MARCHF1: variants seen among roughly 807,000 people sequenced by gnomAD.
The protein encoded by MARCHF1 is membrane associated ring-CH-type finger 1.
Under a neutral mutation model 54.2 loss-of-function variants are expected in MARCHF1, and 40 were observed. The observed-to-expected ratio is 0.74, with a 90% confidence interval of 0.57 to 0.96. The LOEUF is 0.96. MARCHF1 is among the 40% of genes least tolerant of loss of function. The pLI, the probability that MARCHF1 is intolerant of heterozygous loss-of-function variation, is 0.00. For synonymous variants in MARCHF1, 236 were observed against 236.3 expected, an observed-to-expected ratio of 1.00 and a Z score of 0.01; for missense variants, 586 against 656.5, an observed-to-expected ratio of 0.89 and a Z score of 1.17.
intron 1 of MARCHF1, among the ~76,000 whole-genome samples, chr4:164,310,068 T>C (rs1253501840): frequency 6.6e-6 from 1 of 152,006 alleles, no homozygotes; most frequent in Non-Finnish European, 1.5e-5. Context: ...ATTCTTTTTA[T>C]TTTTTTAATT....
At chr4:164,081,207 CAAAAAAAAAAAAA>C (rs60753810) in intron 2 of MARCHF1, among the ~76,000 whole-genome samples, 4 of 18,404 alleles carry the variant, frequency 2.2e-4, no homozygotes, top group East Asian at 1.9e-3. Flanking sequence ...GACGCTGTCT[CAAAAAAAAAAAAA>C]AAAAAAAAAA....
rs78257193 is a variant in MARCHF1, at chr4:163,950,854, A to C, written c.-39+37647T>G. ...CATATTCAAGAAATTGATCTAAAGA[A>C]ATCCATTCTTCCTTGACGTTAGAAG... On this transcript the variant is annotated intron_variant, in intron 3 of 9. Coordinates refer to ENST00000514618, the MANE Select transcript of MARCHF1 (RefSeq NM_001394959.1). Among the ~76,000 whole-genome samples the C allele has an allele frequency of 7.1e-3, 1,086 of 152,358 alleles. 12 individuals are homozygous for C. Among genetic ancestry groups the C allele is most frequent in the East Asian group, 0.039 (202 of 5,192 alleles).
intron 4 of MARCHF1, among the ~76,000 whole-genome samples, chr4:163,797,351 TTA>T (rs1345197283): frequency 1.1e-4 from 4 of 37,590 alleles, no homozygotes; most frequent in Admixed American, 3.6e-4. Context: ...GTGTGTGTGT[TTA>T]TGTGTGTGTG....
chr4:164,171,190 A>G lies in MARCHF1; in HGVS notation c.-322-59528T>C, dbSNP rs1730516299. Among the ~76,000 whole-genome samples the G allele has an allele frequency of 2.1e-5, 3 of 142,694 alleles. 1 individual carries two copies. Among genetic ancestry groups the G allele is most frequent in the African/African-American group, 8.8e-5 (3 of 34,116 alleles). The allele number at this position is 142,694 out of a possible 152,430, so 93.6% of individuals were successfully genotyped here. A position where few individuals can be genotyped will look rare whatever the true frequency, so the allele number is the denominator to read the frequency against. ...TAATAGTACTTTTGTCCTTTTATGAACATCTTTATTTTATTATTTATTCCA... is the reference window on the plus strand; with the variant it reads ...TAATAGTACTTTTGTCCTTTTATGAGCATCTTTATTTTATTATTTATTCCA... On this transcript the variant is annotated intron_variant, in intron 1 of 9. Coordinates refer to ENST00000514618, the MANE Select transcript of MARCHF1 (RefSeq NM_001394959.1).
intron 4 of MARCHF1, among the ~76,000 whole-genome samples, chr4:163,845,952 T>C (rs1457998430): frequency 1.3e-5 from 2 of 152,178 alleles, no homozygotes; most frequent in Non-Finnish European, 2.9e-5. Context: ...ATAACAACCA[T>C]TGGGACATAT....
chr4:164,115,930 G>C (rs1755930227), intron 1 of MARCHF1, among the ~76,000 whole-genome samples: 1 of 151,896 alleles, frequency 6.6e-6, no homozygotes, highest in South Asian at 2.1e-4. Flanking sequence ...ACAATTCTAA[G>C]GAATTCCAAA....
At chr4:164,330,335 C>A (rs1248932095) in intron 1 of MARCHF1, among the ~76,000 whole-genome samples, 1 of 152,078 alleles carries the variant, frequency 6.6e-6, no homozygotes, top group Non-Finnish European at 1.5e-5. Flanking sequence ...TATAGGCAAC[C>A]AAACCTCATG....
At chr4:163,564,577 G>A (rs537831435) in intron 8 of MARCHF1, among the ~76,000 whole-genome samples, 2 of 152,098 alleles carry the variant, frequency 1.3e-5, no homozygotes, top group Admixed American at 1.3e-4. Context: ...AAAAACTTAA[G>A]AGAAAAAAGA....
At chr4:164,383,682 AC>A (rs911609446) in intron 1 of MARCHF1, 187 bp downstream of exon 1, 1 of 152,486 alleles carries the variant, frequency 6.6e-6, no homozygotes, top group Non-Finnish European at 1.5e-5. Flanking sequence ...GGGTGGCAGC[AC>A]CCGCCGCGAA....
chr4:164,081,101 G>A (rs1755087656), intron 2 of MARCHF1, among the ~76,000 whole-genome samples: 1 of 143,872 alleles, frequency 7.0e-6, no homozygotes, highest in African/African-American at 2.6e-5. Context: ...CCAGCTACTT[G>A]AGAGGCTGAG....
intron 1 of MARCHF1, among the ~76,000 whole-genome samples, chr4:164,251,916 A>G (rs1733139899): frequency 6.6e-6 from 1 of 152,222 alleles, no homozygotes; most frequent in African/African-American, 2.4e-5. Flanking sequence ...CATAGCACCA[A>G]TAGATTTTAA....
chr4:164,073,011 T>C (rs1233004447), intron 2 of MARCHF1, among the ~76,000 whole-genome samples: 2 of 152,006 alleles, frequency 1.3e-5, no homozygotes, highest in East Asian at 3.9e-4. Flanking sequence ...TGAAAATGAG[T>C]GAGTTTTAAA....
intron 3 of MARCHF1, among the ~76,000 whole-genome samples, chr4:163,978,729 T>C (rs1050911953): frequency 6.6e-5 from 10 of 151,958 alleles, no homozygotes; most frequent in Admixed American, 3.3e-4. Flanking sequence ...TTTGTTGTTG[T>C]TGTTGTTTTT....
At chr4:163,928,140 G>GA (rs1560822834) in intron 3 of MARCHF1, among the ~76,000 whole-genome samples, 3 of 151,688 alleles carry the variant, frequency 2.0e-5, no homozygotes, top group Non-Finnish European at 3.0e-5. Flanking sequence ...CTCTACAGTA[G>GA]AAAAAATGGA....
intron 3 of MARCHF1, among the ~76,000 whole-genome samples, chr4:163,856,211 C>A (rs1348219500): frequency 2.0e-5 from 3 of 152,154 alleles, no homozygotes; most frequent in Admixed American, 6.5e-5. Flanking sequence ...AGTATTATAA[C>A]AAAATGCCAA....
intron 1 of MARCHF1, among the ~76,000 whole-genome samples, chr4:164,163,219 T>C (rs1028382459): frequency 5.3e-5 from 8 of 151,966 alleles, no homozygotes; most frequent in Admixed American, 4.6e-4. Flanking sequence ...TTTGGTGATA[T>C]TTCAATAAAA....
intron 3 of MARCHF1, among the ~76,000 whole-genome samples, chr4:163,855,772 C>T (rs1489473285): frequency 6.6e-6 from 1 of 152,098 alleles, no homozygotes; most frequent in African/African-American, 2.4e-5. Context: ...CCATCAGTAT[C>T]CATTCTGAGA....
In MARCHF1 at chr4:163,901,812, T is replaced by TGG. The variant is rs1273373354; in HGVS notation, c.-38-47644_-38-47643insCC. ...TTTATCCTATCTACTGAAGCACTCA[T>TGG]TTCAGGAACTTCAGAACCAACAACG... On this transcript the variant is annotated intron_variant, in intron 3 of 9. Coordinates refer to ENST00000514618, the MANE Select transcript of MARCHF1 (RefSeq NM_001394959.1). Among the ~76,000 whole-genome samples, 4 of 152,300 alleles carry TGG rather than the reference T, an allele frequency of 2.6e-5. No homozygotes were observed. In the East Asian group the frequency reaches 7.7e-4, roughly 29 times the overall value.
chr4:163,705,764 C>G (rs752763773), intron 4 of MARCHF1, among the ~76,000 whole-genome samples: 20 of 151,874 alleles, frequency 1.3e-4, no homozygotes, highest in Non-Finnish European at 2.9e-4. Flanking sequence ...ATTATAGAAC[C>G]TCTATTAGGG....
Sources: gnomAD v4.1 joint callset for allele counts (sites outside exome capture counted in the v4.1 genomes callset) on GRCh38, gnomAD v4.1.1 for gene constraint, MANE v1.5 for transcripts, NCBI Gene and HGNC (gene_info 2026-07-23, HGNC 2026-07-21) for gene names.